ZNF385D: variants seen among roughly 807,000 people sequenced by gnomAD.
The protein encoded by ZNF385D is zinc finger protein 659.
ZNF385D carries 15 observed loss-of-function variants against 35.8 expected under a neutral mutation model. The ratio of observed to expected loss-of-function variants is 0.42; its 90% CI spans 0.28 to 0.64. The LOEUF (loss-of-function observed/expected upper bound fraction) is 0.64. Ranked by LOEUF, ZNF385D falls within the 30% of genes least tolerant of loss-of-function variation. The pLI, the probability that ZNF385D is intolerant of heterozygous loss-of-function variation, is 0.23. For missense variants in ZNF385D, 474 were observed against 494.6 expected (o/e 0.96, Z 0.39); for synonymous variants, 212 against 186.8 (o/e 1.13, Z -1.10).
chr3:21,552,342 G>T (rs963693214), intron 3 of ZNF385D, among the ~76,000 whole-genome samples: 1 of 152,148 alleles, frequency 6.6e-6, no homozygotes, highest in South Asian at 2.1e-4. Context: ...TGTAAAATTG[G>T]TACTTATGGA....
At chr3:22,155,011 G>T (rs1197022266) in intron 3 of ZNF385D, among the ~76,000 whole-genome samples, 2 of 152,136 alleles carry the variant, frequency 1.3e-5, no homozygotes, top group African/African-American at 2.4e-5. Flanking sequence ...ATTGAACAGT[G>T]TAAGGGAGAA....
intron 1 of ZNF385D, among the ~76,000 whole-genome samples, chr3:21,729,042 C>G (rs183018168): frequency 3.3e-5 from 5 of 152,230 alleles, no homozygotes; most frequent in African/African-American, 1.2e-4. Flanking sequence ...TCTTCACTGT[C>G]TATGCTCTTA....
chr3:22,369,442 TTAGCTAC>T (rs1348988559), intron 2 of ZNF385D, among the ~76,000 whole-genome samples: 1 of 152,186 alleles, frequency 6.6e-6, no homozygotes. Context: ...GTTAAATATG[TTAGCTAC>T]TATAAAAACC....
chr3:22,080,662 G>A (rs997520039), intron 3 of ZNF385D, among the ~76,000 whole-genome samples: 6 of 151,486 alleles, frequency 4.0e-5, no homozygotes, highest in East Asian at 1.9e-4. Flanking sequence ...GATAAATATC[G>A]CTATATTCTG....
At chr3:22,107,508 T>C (rs1418925363) in intron 3 of ZNF385D, among the ~76,000 whole-genome samples, 1 of 152,044 alleles carries the variant, frequency 6.6e-6, no homozygotes, top group African/African-American at 2.4e-5. Context: ...TGATATAAAA[T>C]AGGGTAATAA....
At chr3:21,881,027 G>T (rs1042948249) in intron 3 of ZNF385D, among the ~76,000 whole-genome samples, 4 of 151,962 alleles carry the variant, frequency 2.6e-5, no homozygotes, top group Non-Finnish European at 2.9e-5. Flanking sequence ...GCTAACAGGG[G>T]TTGGTTAATG....
chr3:22,154,055 T>C (rs78847412), intron 3 of ZNF385D, among the ~76,000 whole-genome samples: 5,453 of 152,210 alleles, frequency 0.036, 313 homozygotes, highest in African/African-American at 0.12. Context: ...CAAAGGGTTT[T>C]TGGTATATGG....
chr3:22,297,958 T>G (rs953217056), intron 2 of ZNF385D, among the ~76,000 whole-genome samples: 6 of 152,040 alleles, frequency 3.9e-5, no homozygotes, highest in African/African-American at 1.2e-4. Context: ...ATAGTTTTGT[T>G]TGGGCACAGA....
chr3:22,194,765 G>T (rs893887610), intron 2 of ZNF385D, among the ~76,000 whole-genome samples: 3 of 151,792 alleles, frequency 2.0e-5, no homozygotes, highest in Admixed American at 6.6e-5. Flanking sequence ...GCCCCTTTGA[G>T]ACTGGCTTTT....
At chr3:22,116,529 A>G (rs1352108908) in intron 3 of ZNF385D, among the ~76,000 whole-genome samples, 1 of 152,122 alleles carries the variant, frequency 6.6e-6, no homozygotes, top group African/African-American at 2.4e-5. Flanking sequence ...GAAAACAGAA[A>G]AAAGAGAAAA....
At chr3:22,239,488 T>C (rs1576547040) in intron 2 of ZNF385D, among the ~76,000 whole-genome samples, 1 of 151,130 alleles carries the variant, frequency 6.6e-6, no homozygotes, top group East Asian at 2.0e-4. Context: ...AGAGATATCT[T>C]TTGCTGATAA....
At chr3:21,501,242 C>G (rs1706338090) in intron 4 of ZNF385D, among the ~76,000 whole-genome samples, 1 of 152,184 alleles carries the variant, frequency 6.6e-6, no homozygotes, top group Non-Finnish European at 1.5e-5. Context: ...CTTCTTCCTT[C>G]TGCCGTCTTC....
At chr3:21,612,550 C>A (rs2064714887) in intron 2 of ZNF385D, among the ~76,000 whole-genome samples, 1 of 152,160 alleles carries the variant, frequency 6.6e-6, no homozygotes, top group Admixed American at 6.5e-5. Flanking sequence ...TGTGGGAGAA[C>A]CTATTCATTT....
rs758804722 is a variant in ZNF385D at position 21,551,384 on chromosome 3, G to A, written c.276+13190C>T. 2.6e-5 allele frequency among the ~76,000 whole-genome samples: 4 copies of A among 152,288 alleles called. No individual in the cohort carries two copies. The South Asian group carries it at 8.3e-4, about 32-fold the overall frequency. ...TACTCTCTACATCTCAGCTTTTGCA[G>A]GTGAAATTAGGAGTATGTCTCTTCT... On this transcript the variant is annotated intron_variant, in intron 3 of 7. Coordinates refer to ENST00000281523, the MANE Select transcript of ZNF385D (RefSeq NM_024697.3).
At chr3:21,487,254 T>G (rs1180151697) in intron 4 of ZNF385D, among the ~76,000 whole-genome samples, 1 of 151,988 alleles carries the variant, frequency 6.6e-6, no homozygotes, top group Non-Finnish European at 1.5e-5. Context: ...CATAAAATAT[T>G]GTGGCCTTTC....
chr3:22,329,076 CAAA>C (rs776193960), intron 2 of ZNF385D, among the ~76,000 whole-genome samples: 3 of 74,904 alleles, frequency 4.0e-5, no homozygotes, highest in Non-Finnish European at 7.4e-5. Context: ...GACTCCGTCT[CAAA>C]AAAAAAAAAA....
intron 2 of ZNF385D, among the ~76,000 whole-genome samples, chr3:22,223,681 C>T (rs760586763): frequency 1.9e-4 from 29 of 152,110 alleles, no homozygotes; most frequent in South Asian, 6.2e-4. Flanking sequence ...TAATTTTGAA[C>T]GAGACAGATG....
rs1488670022 is a variant in ZNF385D at position 21,987,536 on chromosome 3, C to T, written c.325+181281G>A. Among the ~76,000 whole-genome samples, 825 of 129,936 alleles carry T rather than the reference C, an allele frequency of 6.3e-3. 14 individuals carry two copies. Among genetic ancestry groups the T allele is most frequent in the African/African-American group, 0.026 (746 of 28,948 alleles). 85.2% of individuals were successfully genotyped at this position (129,936 alleles called of 152,430 possible). The stretch of plus-strand genomic sequence containing the variant: ...GCTTGTAGGGTTTCTGCCGAGAGAT[C>T]CACTGTTAGTCTGATGGGCTTCCCT... On this transcript the variant is annotated intron_variant, in intron 3 of 5. Transcript: ENST00000494108.
At chr3:21,909,209 C>T (rs1208956646) in intron 3 of ZNF385D, among the ~76,000 whole-genome samples, 1 of 151,960 alleles carries the variant, frequency 6.6e-6, no homozygotes, top group Non-Finnish European at 1.5e-5. Flanking sequence ...ATAATACGGT[C>T]CACATATGGA....
Sources: gnomAD v4.1 joint callset for allele counts (sites outside exome capture counted in the v4.1 genomes callset) on GRCh38, gnomAD v4.1.1 for gene constraint, MANE v1.5 for transcripts, NCBI Gene and HGNC (gene_info 2026-07-23, HGNC 2026-07-21) for gene names.